The following TEX11 variants were observed in gnomAD, a reference collection of about 807,000 sequenced individuals.
TEX11 encodes testis expressed 11.
TEX11 carries 7 observed loss-of-function variants against 84.4 expected under a neutral mutation model. The ratio of observed to expected loss-of-function variants is 0.08; its 90% confidence interval spans 0.05 to 0.16. The LOEUF is 0.16. TEX11 is among the 10% of genes least tolerant of loss of function. The pLI is 1.00. For missense variants in TEX11, 551 were observed against 660.5 expected (o/e 0.83, Z 1.82); for synonymous variants, 264 against 222.8 (o/e 1.18, Z -1.64).
intron 2 of TEX11, among the ~76,000 whole-genome samples, chrX:70,906,236 A>C (rs1459736591): frequency 1.9e-5 from 2 of 103,459 alleles, no homozygotes; most frequent in Non-Finnish European, 3.9e-5. Flanking sequence ...TGGTACATGT[A>C]ATCTTTTAGT....
intron 11 of TEX11, among the ~76,000 whole-genome samples, chrX:70,728,544 G>A (rs184521061): frequency 2.9e-4 from 32 of 110,773 alleles, no homozygotes; most frequent in African/African-American, 7.8e-4. Flanking sequence ...AGGGTCCTAC[G>A]CCCACAGAGC....
chrX:70,761,191 A>C (rs1453595522), intron 9 of TEX11, among the ~76,000 whole-genome samples: 1 of 112,002 alleles, frequency 8.9e-6, no homozygotes, highest in Admixed American at 9.5e-5. Context: ...CCATTGTGGA[A>C]GACAGTGTGG....
intron 9 of TEX11, among the ~76,000 whole-genome samples, chrX:70,762,878 A>G (rs2090917939): frequency 9.0e-6 from 1 of 110,629 alleles, no homozygotes; most frequent in Non-Finnish European, 1.9e-5. Flanking sequence ...TACAAAAAAT[A>G]CAAAAATTAG....
intron 28 of TEX11, among the ~76,000 whole-genome samples, chrX:70,540,033 G>C (rs934509278): frequency 8.9e-6 from 1 of 111,818 alleles, no homozygotes; most frequent in Non-Finnish European, 1.9e-5. Context: ...AAGTAACAAG[G>C]CTGGGCCCAC....
intron 22 of TEX11, among the ~76,000 whole-genome samples, 196 bp from the exon 23 acceptor site, chrX:70,607,225 T>C (rs2089204935): frequency 9.0e-6 from 1 of 111,439 alleles, no homozygotes; most frequent in African/African-American, 3.3e-5. Flanking sequence ...TCAATTCCAA[T>C]CTTCAACACT....
At chrX:70,867,286 G>A (rs1372099044) in intron 4 of TEX11, among the ~76,000 whole-genome samples, 2 of 111,218 alleles carry the variant, frequency 1.8e-5, no homozygotes, top group Non-Finnish European at 3.8e-5. Flanking sequence ...GCTACACAGA[G>A]AATAAAATAC....
intron 28 of TEX11, among the ~76,000 whole-genome samples, chrX:70,535,116 A>G (rs183690724): frequency 8.9e-6 from 1 of 112,172 alleles, no homozygotes; most frequent in East Asian, 2.8e-4. Context: ...CATGTTTTCA[A>G]GGTTTATCCA....
intron 28 of TEX11, among the ~76,000 whole-genome samples, chrX:70,534,162 G>T (rs2087926328): frequency 9.5e-6 from 1 of 105,193 alleles, no homozygotes; most frequent in South Asian, 4.2e-4. Context: ...AAGGAAGAAA[G>T]CAAGAGTAGA....
At chrX:70,637,209 A>G (rs974721137) in intron 17 of TEX11, among the ~76,000 whole-genome samples, 1 of 112,326 alleles carries the variant, frequency 8.9e-6, no homozygotes, top group African/African-American at 3.2e-5. Flanking sequence ...ATACCATCTC[A>G]TGCCAGTCAG....
At chrX:70,610,370 T>C (rs1481021315) in intron 21 of TEX11, 133 bp downstream of exon 21, 3 of 554,692 alleles carry the variant, frequency 5.4e-6, no homozygotes, top group Non-Finnish European at 8.5e-6. Context: ...TAGATTCCTG[T>C]GGCAAAGATT....
chrX:70,709,422 C>T (rs910689589), intron 13 of TEX11, among the ~76,000 whole-genome samples: 33 of 111,100 alleles, frequency 3.0e-4, no homozygotes, highest in African/African-American at 8.1e-4. Context: ...AGGATATTCT[C>T]ACTCAGCTAG....
intron 8 of TEX11, among the ~76,000 whole-genome samples, chrX:70,809,474 G>A (rs1377305486): frequency 1.8e-5 from 2 of 109,897 alleles, no homozygotes; most frequent in African/African-American, 3.4e-5. Context: ...GTTGGGGGTA[G>A]AGGGAAAAAG....
intron 27 of TEX11, among the ~76,000 whole-genome samples, chrX:70,553,000 T>C (rs2147947133): frequency 8.9e-6 from 1 of 111,912 alleles, no homozygotes; most frequent in South Asian, 3.7e-4. Flanking sequence ...TTCTGTACAT[T>C]TGGAATATTA....
intron 9 of TEX11, among the ~76,000 whole-genome samples, chrX:70,763,148 A>G (rs1038602954): frequency 1.8e-5 from 2 of 112,625 alleles, no homozygotes; most frequent in Non-Finnish European, 3.8e-5. Flanking sequence ...AAACACATAC[A>G]CATTTTTATA....
At chrX:70,796,620 T>C (rs183341023) in intron 9 of TEX11, among the ~76,000 whole-genome samples, 2 of 111,980 alleles carry the variant, frequency 1.8e-5, no homozygotes, top group African/African-American at 6.5e-5. Context: ...TGGGACCTAA[T>C]TAAACTAAAG....
At chrX:70,566,820 G>C (rs747822796) in intron 25 of TEX11, among the ~76,000 whole-genome samples, 112 of 111,608 alleles carry the variant, frequency 1.0e-3, no homozygotes, top group Non-Finnish European at 1.7e-3. Flanking sequence ...ATTTTATTGA[G>C]GATTTTTGCA....
At chrX:70,564,934 T>G (rs2088438365) in intron 25 of TEX11, among the ~76,000 whole-genome samples, 1 of 109,486 alleles carries the variant, frequency 9.1e-6, no homozygotes, top group South Asian at 4.1e-4. Context: ...ATGGGATTGC[T>G]GGGTCAAATG....
intron 13 of TEX11, among the ~76,000 whole-genome samples, chrX:70,705,744 C>A (rs7054486): frequency 0.071 from 7,903 of 111,457 alleles, 232 homozygotes; most frequent in East Asian, 0.13. Context: ...AAATACAAAT[C>A]AAAACCACAA....
At position 70,639,176 on chromosome X, in the gene TEX11, C is replaced by T. The variant is rs1362127376; in HGVS notation, c.1484-9441G>A. On this transcript the variant is annotated intron_variant, in intron 17 of 29. Transcript: ENST00000374333. ...GGGTGACGGACGGCACCTGGAAAAT[C>T]GGGTCACTCCCACCTGAATACTGCG... Among the ~76,000 whole-genome samples, 7 of 111,710 alleles carry T rather than the reference C, an allele frequency of 6.3e-5. No homozygotes were observed. The South Asian group carries it at 1.1e-3, about 18-fold the overall frequency.
Sources: gnomAD v4.1 joint callset for allele counts (sites outside exome capture counted in the v4.1 genomes callset) on GRCh38, gnomAD v4.1.1 for gene constraint, MANE v1.5 for transcripts, NCBI Gene and HGNC (gene_info 2026-07-23, HGNC 2026-07-21) for gene names.